Variants in DAB1 observed in about 807,000 individuals in gnomAD.
The protein encoded by DAB1 is disabled homolog 1.
A neutral mutation model predicts 64.6 loss-of-function variants in DAB1; 15 were observed. The ratio of observed to expected loss-of-function variants is 0.23; its 90% confidence interval spans 0.16 to 0.36. The LOEUF is 0.36. DAB1 is among the 10% of genes least tolerant of loss of function. The pLI is 1.00. For missense variants in DAB1, 596 were observed against 706.7 expected, an observed-to-expected ratio of 0.84 and a Z score of 1.78; for synonymous variants, 235 against 251.9, an observed-to-expected ratio of 0.93 and a Z score of 0.64.
At chr1:57,183,836 G>A (rs1663240735) in intron 2 of DAB1, among the ~76,000 whole-genome samples, 1 of 152,122 alleles carries the variant, frequency 6.6e-6, no homozygotes, top group Non-Finnish European at 1.5e-5. Context: ...AAGAATATAA[G>A]AAAAGATCAA....
chr1:57,845,018 C>G (rs764874970), intron 1 of DAB1, among the ~76,000 whole-genome samples: 42 of 152,114 alleles, frequency 2.8e-4, no homozygotes, highest in Non-Finnish European at 4.6e-4. Context: ...AAGTAACTTC[C>G]CAGAACCATC....
Position 58,382,220 on chromosome 1 carries a change from G to T in DAB1, n.258-38817C>A, listed in dbSNP as rs1569710647. Among the ~76,000 whole-genome samples, 5 of 152,252 alleles carry T rather than the reference G, an allele frequency of 3.3e-5. No homozygotes were observed. In the East Asian group the frequency reaches 9.6e-4, roughly 29 times the overall value. On this transcript the variant is annotated intron_variant and non_coding_transcript_variant, in intron 3 of 20. Coordinates refer to the DAB1 transcript ENST00000485760. ...TTTATTAATATCTTGGTGTGGAAGA[G>T]AAGTTCCAGGAGCTTCTGCTTGGTC...
chr1:57,794,851 C>T (rs907215651), intron 6 of DAB1, among the ~76,000 whole-genome samples: 6 of 152,124 alleles, frequency 3.9e-5, no homozygotes, highest in Non-Finnish European at 7.4e-5. Flanking sequence ...TAATTTTCTC[C>T]CAGAATGACC....
intron 3 of DAB1, among the ~76,000 whole-genome samples, chr1:58,448,885 G>A (rs557233104): frequency 3.9e-5 from 6 of 152,272 alleles, no homozygotes; most frequent in East Asian, 3.9e-4. Flanking sequence ...GGAGTAGGGC[G>A]GATTATGAGA....
intron 5 of DAB1, among the ~76,000 whole-genome samples, chr1:57,937,669 C>T (rs1203165589): frequency 6.6e-6 from 1 of 152,132 alleles, no homozygotes; most frequent in Non-Finnish European, 1.5e-5. Flanking sequence ...AAATAGCATC[C>T]CCAACTGAAA....
intron 3 of DAB1, among the ~76,000 whole-genome samples, chr1:58,403,575 T>C (rs1644590823): frequency 6.6e-6 from 1 of 152,190 alleles, no homozygotes; most frequent in Admixed American, 6.5e-5. Context: ...CAAACCCAAT[T>C]AATGTCACTA....
chr1:57,024,596 CT>C (rs1396900998), intron 10 of DAB1, among the ~76,000 whole-genome samples: 1 of 152,126 alleles, frequency 6.6e-6, no homozygotes, highest in Non-Finnish European at 1.5e-5. Flanking sequence ...TTGGACTGCG[CT>C]TGGGTTCAGG....
chr1:57,627,427 C>T (rs1645935348), intron 7 of DAB1, among the ~76,000 whole-genome samples: 1 of 152,180 alleles, frequency 6.6e-6, no homozygotes, highest in African/African-American at 2.4e-5. Flanking sequence ...GTCTCTCAAG[C>T]CGTTGTAGAT....
At chr1:57,409,330 T>C (rs1383962243) in intron 1 of DAB1, among the ~76,000 whole-genome samples, 1 of 152,240 alleles carries the variant, frequency 6.6e-6, no homozygotes, top group Admixed American at 6.5e-5. Context: ...AAGTTCTTCC[T>C]ATTAAGCTGG....
intron 3 of DAB1, among the ~76,000 whole-genome samples, chr1:57,140,097 A>G (rs1450300237): frequency 6.6e-6 from 1 of 152,146 alleles, no homozygotes; most frequent in Non-Finnish European, 1.5e-5. Context: ...ATTCATGGCC[A>G]CTGTGCAGAA....
At chr1:57,626,332 T>G (rs995064977) in intron 7 of DAB1, among the ~76,000 whole-genome samples, 1 of 152,184 alleles carries the variant, frequency 6.6e-6, no homozygotes, top group East Asian at 1.9e-4. Flanking sequence ...GTTCTGTGGG[T>G]CACAAGCTAT....
chr1:57,577,242 T>G (rs1645261114), intron 7 of DAB1, among the ~76,000 whole-genome samples: 3 of 152,204 alleles, frequency 2.0e-5, no homozygotes. Context: ...GTTTATCAGC[T>G]AGGCTTTTCA....
Position 58,235,220 on chromosome 1 carries a change from T to C in DAB1, n.310-84632A>G, listed in dbSNP as rs538805399. On this transcript the variant is annotated intron_variant and non_coding_transcript_variant, in intron 4 of 20. Transcript: ENST00000485760. ...TCTCCTTTAATGCCCACAGGCATCC[T>C]GTGAAGGAAGTCTGATTATTCTCAT... Among the ~76,000 whole-genome samples, 4 of 152,342 alleles carry C rather than the reference T, an allele frequency of 2.6e-5. No individual in the cohort carries two copies. The South Asian group carries it at 8.3e-4, about 32-fold the overall frequency.
At chr1:57,528,992 G>A (rs1205736741) in intron 7 of DAB1, among the ~76,000 whole-genome samples, 1 of 151,932 alleles carries the variant, frequency 6.6e-6, no homozygotes, top group African/African-American at 2.4e-5. Flanking sequence ...AAGGACTATT[G>A]ACATCTTAAA....
chr1:57,487,312 A>T lies in DAB1; in HGVS notation n.625+162280T>A, dbSNP rs151289897. On this transcript the variant is annotated intron_variant and non_coding_transcript_variant, in intron 7 of 20. Transcript: ENST00000485760. ...GTCTTCCTGGCATGGAACATCTTTG[A>T]CCTCTTCCTCCACCCTGCAGGATCA... 3.3e-4 allele frequency among the ~76,000 whole-genome samples: 50 copies of T among 152,068 alleles called. No homozygotes were observed. In the East Asian group the frequency reaches 8.5e-3, roughly 26 times the overall value.
intron 5 of DAB1, among the ~76,000 whole-genome samples, chr1:58,132,030 G>T (rs1354735223): frequency 6.6e-6 from 1 of 152,092 alleles, no homozygotes. Context: ...ATCAAGCCTG[G>T]GCAATGGCGG....
rs557628223 is a variant in DAB1 at position 58,039,164 on chromosome 1, CT to C, written n.387+111346del. On this transcript the variant is annotated intron_variant and non_coding_transcript_variant, in intron 5 of 20. Coordinates refer to the DAB1 transcript ENST00000485760. ...TAATTCCTAGAGATAGTAACAAACT[CT>C]CTCAGGAGCTCACCTTTCAAATGTT... Among the ~76,000 whole-genome samples, 191 of 152,292 alleles carry C rather than the reference CT, an allele frequency of 1.3e-3. 2 individuals are homozygous for C. Among genetic ancestry groups the C allele is most frequent in the Admixed American group, 4.1e-3 (62 of 15,300 alleles).
At chr1:58,261,865 C>G (rs1250292562) in intron 4 of DAB1, among the ~76,000 whole-genome samples, 5 of 152,234 alleles carry the variant, frequency 3.3e-5, no homozygotes, top group Non-Finnish European at 7.4e-5. Flanking sequence ...CCTTTCAGAC[C>G]AACTTGAAGA....
At chr1:57,055,782 A>AT (rs113609254) in intron 9 of DAB1, among the ~76,000 whole-genome samples, 7,247 of 151,134 alleles carry the variant, frequency 0.048, 546 homozygotes, top group African/African-American at 0.16. Flanking sequence ...TCATGCATAC[A>AT]TTTTTTTTTC....
Sources: allele counts gnomAD v4.1 joint callset (sites outside exome capture counted in the v4.1 genomes callset), GRCh38; gene constraint gnomAD v4.1.1; transcripts MANE v1.5; gene names NCBI Gene and HGNC (gene_info 2026-07-23, HGNC 2026-07-21).